Variants in CCDC191 observed in about 807,000 individuals in gnomAD.
CCDC191 encodes the protein coiled-coil domain-containing protein 191.
Under a neutral mutation model 114.0 loss-of-function variants are expected in CCDC191, and 99 were observed. The ratio of observed to expected loss-of-function variants is 0.87; its 90% CI spans 0.74 to 1.03. The LOEUF (loss-of-function observed/expected upper bound fraction) is 1.03, where lower values mean the gene tolerates loss of function less well. Among genes scored for constraint, CCDC191 ranks in the 50% least tolerant of loss-of-function variants. The pLI is 0.00. For missense variants in CCDC191, 973 were observed against 1,087.0 expected (o/e 0.90, Z 1.47); for synonymous variants, 351 against 376.0 (o/e 0.93, Z 0.77).
chr3:114,056,256 A>G (rs1238780483), intron 1 of CCDC191, 121 bp downstream of exon 1: 1 of 925,790 alleles, frequency 1.1e-6, no homozygotes, highest in Non-Finnish European at 1.7e-6. Context: ...GGGGCGGTCA[A>G]GGCAGGGGCG....
chr3:114,021,724 G>A (rs1177466029), intron 7 of CCDC191, among the ~76,000 whole-genome samples: 1 of 151,710 alleles, frequency 6.6e-6, no homozygotes, highest in Non-Finnish European at 1.5e-5. Context: ...GCTTCTCCTC[G>A]TTACTTTTCT....
In CCDC191 at chr3:114,005,664, T is replaced by A; in HGVS notation, c.1712A>T (p.Gln571Leu). 1 of 1,614,182 alleles carries A rather than the reference T, an allele frequency of 6.2e-7. No individual in the cohort carries two copies. Among genetic ancestry groups the A allele is most frequent in the Non-Finnish European group, 8.5e-7 (1 of 1,180,016 alleles). Residue 571 changes from glutamine (Q) to leucine (L), a missense_variant, in exon 10 of 17, where the codon CAG (glutamine) becomes CTG (leucine). Physicochemically the swap from Gln to Leu is moderately radical, Grantham distance 113. Transcript: ENST00000295878. ...QLIEKQKKKL[Q>L]EQQKTILELK... Reference sequence around the variant, plus strand: ...CTCGAGAATTGTTTTCTGCTGTTCCTGAAGTTTCTTCTTTTGCTTCTCAAT... The same window carrying A: ...CTCGAGAATTGTTTTCTGCTGTTCCAGAAGTTTCTTCTTTTGCTTCTCAAT...
rs1310096791 is a variant in CCDC191, at chr3:113,964,921, C to T, written c.*234G>A. ...AATATATAGGATATATTTGAACAGA[C>T]GATCTCTAGAATGTTCCTTTGGATG... is the stretch of plus-strand genomic sequence containing the variant. On this transcript the variant is annotated 3_prime_UTR_variant, in exon 17 of 17. Transcript: ENST00000295878. The T allele has an allele frequency of 4.9e-5, 17 of 343,510 alleles. No homozygotes were observed. The highest frequency in any genetic ancestry group is 7.6e-4 in the Middle Eastern group (1 of 1,316). 21.3% of individuals were successfully genotyped at this position (343,510 alleles called of 1,614,324 possible).
intron 3 of CCDC191, 84 bp from the exon 4 acceptor site, chr3:114,042,930 T>C (rs2076582660): frequency 7.9e-7 from 1 of 1,264,374 alleles, no homozygotes; most frequent in African/African-American, 1.5e-5. Flanking sequence ...TCAATAAATA[T>C]TAATTGAGTA....
At chr3:113,991,739 C>T (rs960007331) in intron 13 of CCDC191, among the ~76,000 whole-genome samples, 3 of 152,178 alleles carry the variant, frequency 2.0e-5, no homozygotes, top group Admixed American at 6.5e-5. Context: ...CATTTATTAG[C>T]AGACAACCTG....
intron 7 of CCDC191, among the ~76,000 whole-genome samples, chr3:114,029,404 A>G (rs1239002604): frequency 1.3e-5 from 2 of 152,226 alleles, no homozygotes; most frequent in Admixed American, 6.5e-5. Context: ...ACACATATAC[A>G]TACATATACA....
intron 9 of CCDC191, 113 bp downstream of exon 9, chr3:114,010,659 C>T (rs1353983825): frequency 4.2e-6 from 4 of 948,424 alleles, no homozygotes; most frequent in African/African-American, 3.3e-5. Context: ...TGCATTGAGG[C>T]AGCTCTAATC....
At chr3:113,973,288 G>A (rs1941002310) in intron 16 of CCDC191, among the ~76,000 whole-genome samples, 1 of 152,088 alleles carries the variant, frequency 6.6e-6, no homozygotes, top group African/African-American at 2.4e-5. Context: ...AGCTATTACT[G>A]TTTTTGCTAG....
intron 16 of CCDC191, among the ~76,000 whole-genome samples, chr3:113,971,286 T>TG (rs1320583239): frequency 6.6e-6 from 1 of 152,194 alleles, no homozygotes; most frequent in African/African-American, 2.4e-5. Context: ...TATCTCATTG[T>TG]GGTTTTGATT....
intron 9 of CCDC191, among the ~76,000 whole-genome samples, chr3:114,007,419 AC>A (rs1345712103): frequency 1.3e-5 from 2 of 152,194 alleles, no homozygotes; most frequent in Admixed American, 6.5e-5. Flanking sequence ...ATATATGGAA[AC>A]TCTGACATGT....
intron 9 of CCDC191, 100 bp downstream of exon 9, chr3:114,010,672 C>G (rs2076053370): frequency 8.4e-7 from 1 of 1,191,852 alleles, no homozygotes; most frequent in Non-Finnish European, 1.2e-6. Context: ...CTCTAATCTT[C>G]TGATAGCCTA....
chr3:113,970,121 G>C (rs1321198541), intron 16 of CCDC191, among the ~76,000 whole-genome samples: 1 of 152,064 alleles, frequency 6.6e-6, no homozygotes, highest in Non-Finnish European at 1.5e-5. Flanking sequence ...GTTAAGGTGG[G>C]ATTGTTTTCT....
chr3:114,013,740 T>C (rs1320838100), intron 8 of CCDC191, among the ~76,000 whole-genome samples: 2 of 152,124 alleles, frequency 1.3e-5, no homozygotes, highest in Non-Finnish European at 2.9e-5. Flanking sequence ...TACAAAAGGT[T>C]TGAATAGGAA....
In CCDC191 at chr3:113,987,779, C is replaced by T. The variant is rs1432895711; in HGVS notation, c.2164-6986G>A. Among the ~76,000 whole-genome samples the T allele has an allele frequency of 2.0e-5, 3 of 152,196 alleles. No homozygotes were observed. In the East Asian group the frequency reaches 5.8e-4, roughly 29 times the overall value. The stretch of plus-strand genomic sequence containing the variant: ...TAAAAGAGGACCAGGTGCAGTGGCT[C>T]ACGCCTGTAATCCCAGCACTTTGGG... On this transcript the variant is annotated intron_variant, in intron 13 of 16. Transcript: ENST00000295878.
chr3:114,019,166 C>G (rs2076209213), intron 7 of CCDC191, among the ~76,000 whole-genome samples: 1 of 152,178 alleles, frequency 6.6e-6, no homozygotes, highest in Admixed American at 6.5e-5. Flanking sequence ...TGACATGAAC[C>G]AAGGGGCTTG....
chr3:114,031,709 G>T lies in CCDC191; in HGVS notation c.889C>A (p.Leu297Ile). 1 of 1,568,254 alleles carries T rather than the reference G, an allele frequency of 6.4e-7. No individual in the cohort carries two copies. Reference protein sequence around the residue: ...EKVMFQSTHILPDEEKMVKER... With the variant: ...EKVMFQSTHIIPDEEKMVKER... ...TTCACCATTTTTTCCTCATCTGGAA[G>T]AATGTGAGTACTTTGAAACATGACT... The change falls in exon 7 of 17, where the codon CTT becomes ATT. Residue 297 changes from leucine (L) to isoleucine (I), a missense_variant. Transcript: ENST00000295878.
intron 3 of CCDC191, among the ~76,000 whole-genome samples, chr3:114,045,954 A>T (rs147053700): frequency 5.3e-4 from 81 of 152,348 alleles, no homozygotes; most frequent in Admixed American, 2.2e-3. Context: ...CAGTGCCTAC[A>T]ACTGTACCTA....
chr3:114,006,587 G>GATATATATATATATATAT (rs67264886), intron 9 of CCDC191, among the ~76,000 whole-genome samples: 30 of 82,598 alleles, frequency 3.6e-4, no homozygotes, highest in East Asian at 3.5e-3. Context: ...GGTTACTCCA[G>GATATATATATATATATAT]ATATATATAT....
At chr3:114,003,740 C>T (rs1236570941) in intron 11 of CCDC191, 4 of 985,282 alleles carry the variant, frequency 4.1e-6, no homozygotes, top group Non-Finnish European at 4.8e-6. Flanking sequence ...CCAATTTCTT[C>T]ATTAATAGGA....
Sources: allele counts gnomAD v4.1 joint callset (sites outside exome capture counted in the v4.1 genomes callset), GRCh38; gene constraint gnomAD v4.1.1; transcripts MANE v1.5; gene names NCBI Gene and HGNC (gene_info 2026-07-23, HGNC 2026-07-21).